CSNK1G1: variants seen among roughly 807,000 people sequenced by gnomAD.
CSNK1G1 encodes casein kinase 1 gamma 1.
In CSNK1G1, 22 loss-of-function variants were observed where a neutral mutation model predicts 59.6. The observed-to-expected ratio is 0.37, with a 90% CI of 0.26 to 0.53. CSNK1G1 has a LOEUF of 0.53. Among genes scored for constraint, CSNK1G1 ranks in the 20% least tolerant of loss-of-function variants. CSNK1G1 has a pLI of 0.89. For synonymous variants in CSNK1G1, 179 were observed against 177.1 expected (o/e 1.01, Z -0.08); for missense variants, 384 against 519.5 (o/e 0.74, Z 2.54).
chr15:64,213,190 C>A (rs1312742568), intron 6 of CSNK1G1, among the ~76,000 whole-genome samples: 2 of 151,856 alleles, frequency 1.3e-5, no homozygotes, highest in African/African-American at 2.4e-5. Flanking sequence ...CAAATAGAAT[C>A]TTCCATGGAA....
chr15:64,326,953 G>A lies in CSNK1G1; in HGVS notation c.-224-26230C>T, dbSNP rs1333710484. Reference sequence around the variant, plus strand: ...ATCGGGTCACTCCCACCCGAATATTGCGCTTTTCAGACCGGCTTAAAAAAC... The same window carrying A: ...ATCGGGTCACTCCCACCCGAATATTACGCTTTTCAGACCGGCTTAAAAAAC... On this transcript the variant is annotated intron_variant, in intron 1 of 11. Coordinates refer to ENST00000303052, the MANE Select transcript of CSNK1G1 (RefSeq NM_022048.5). Among the ~76,000 whole-genome samples the A allele has an allele frequency of 3.3e-5, 5 of 150,660 alleles. No homozygotes were observed. The East Asian group carries it at 9.8e-4, about 29-fold the overall frequency.
chr15:64,305,053 A>T (rs1336236682), intron 1 of CSNK1G1, among the ~76,000 whole-genome samples: 1 of 152,144 alleles, frequency 6.6e-6, no homozygotes, highest in Non-Finnish European at 1.5e-5. Flanking sequence ...CTTTCTCCTT[A>T]TAAGTCTTTT....
intron 10 of CSNK1G1, among the ~76,000 whole-genome samples, chr15:64,190,713 A>G (rs2081959433): frequency 6.6e-6 from 1 of 152,064 alleles, no homozygotes; most frequent in Non-Finnish European, 1.5e-5. Flanking sequence ...CGTGCCGGCC[A>G]TATTTTATAA....
chr15:64,262,450 G>A (rs1392352794), intron 2 of CSNK1G1, among the ~76,000 whole-genome samples: 2 of 152,154 alleles, frequency 1.3e-5, no homozygotes, highest in African/African-American at 4.8e-5. Context: ...ACAATGATAT[G>A]GATAAATGAT....
chr15:64,347,596 A>G (rs1566956538), intron 1 of CSNK1G1, among the ~76,000 whole-genome samples: 1 of 150,998 alleles, frequency 6.6e-6, no homozygotes, highest in African/African-American at 2.4e-5. Flanking sequence ...AAAAAAAAAA[A>G]AAAGAAAGAA....
At chr15:64,202,814 A>T (rs534813169) in intron 10 of CSNK1G1, among the ~76,000 whole-genome samples, 1 of 152,130 alleles carries the variant, frequency 6.6e-6, no homozygotes, top group South Asian at 2.1e-4. Context: ...TGGCCTCCCA[A>T]AGTGCTTGGA....
At chr15:64,187,877 G>C (rs1230940159) in intron 10 of CSNK1G1, among the ~76,000 whole-genome samples, 1 of 152,148 alleles carries the variant, frequency 6.6e-6, no homozygotes, top group Non-Finnish European at 1.5e-5. Context: ...AGATCACATT[G>C]ATTCCAGGGA....
intron 10 of CSNK1G1, among the ~76,000 whole-genome samples, chr15:64,191,202 C>A (rs182067128): frequency 3.3e-5 from 5 of 152,114 alleles, no homozygotes; most frequent in Non-Finnish European, 7.4e-5. Context: ...GCTGGGACTA[C>A]GGACGCGCGC....
At chr15:64,192,622 G>C (rs2081986366) in intron 10 of CSNK1G1, among the ~76,000 whole-genome samples, 1 of 151,952 alleles carries the variant, frequency 6.6e-6, no homozygotes, top group Admixed American at 6.6e-5. Flanking sequence ...ACTTTGGGAG[G>C]CTGAGGGGGG....
intron 2 of CSNK1G1, among the ~76,000 whole-genome samples, chr15:64,267,900 A>C (rs1441469903): frequency 6.6e-6 from 1 of 152,198 alleles, no homozygotes; most frequent in Non-Finnish European, 1.5e-5. Flanking sequence ...GGATCACTTG[A>C]GCCCAGGAGT....
chr15:64,183,690 T>C (rs1489848914), intron 10 of CSNK1G1, among the ~76,000 whole-genome samples: 2 of 152,078 alleles, frequency 1.3e-5, no homozygotes, highest in Non-Finnish European at 2.9e-5. Flanking sequence ...AAGAATCTTA[T>C]GAATAACAAA....
rs184129487 is a variant in CSNK1G1, at chr15:64,234,208, C to G, written c.292+17304G>C. Among the ~76,000 whole-genome samples the G allele has an allele frequency of 3.9e-4, 59 of 152,180 alleles. 1 individual carries two copies. The highest frequency in any genetic ancestry group is 2.7e-3 in the East Asian group (14 of 5,182). On this transcript the variant is annotated intron_variant, in intron 4 of 11. Coordinates refer to ENST00000303052, the MANE Select transcript of CSNK1G1 (RefSeq NM_022048.5). ...GCTGCTCAGATATTTTCAAACACCC[C>G]CCTCACCCTTTACCCAGTGAACGGG...
intron 4 of CSNK1G1, among the ~76,000 whole-genome samples, chr15:64,238,494 TAAAAAAA>T (rs1169739046): frequency 6.0e-4 from 34 of 56,432 alleles, no homozygotes; most frequent in South Asian, 1.7e-3. Context: ...CCCTGTCCCT[TAAAAAAA>T]AAAAAAAAAA....
chr15:64,175,431 C>T (rs1820412182), intron 11 of CSNK1G1, among the ~76,000 whole-genome samples: 3 of 152,236 alleles, frequency 2.0e-5, no homozygotes, highest in South Asian at 4.1e-4. Flanking sequence ...AACAGACCAA[C>T]AAGTTCAGGA....
At chr15:64,336,124 GCT>G (rs1342464402) in intron 1 of CSNK1G1, among the ~76,000 whole-genome samples, 1 of 152,154 alleles carries the variant, frequency 6.6e-6, no homozygotes, top group Non-Finnish European at 1.5e-5. Context: ...ACTAGGGACT[GCT>G]CTCTGACTTA....
chr15:64,179,319 T>A (rs773895189), intron 11 of CSNK1G1, among the ~76,000 whole-genome samples: 1 of 152,048 alleles, frequency 6.6e-6, no homozygotes, highest in Non-Finnish European at 1.5e-5. Context: ...ACAAAGTACA[T>A]CTGGAAGGTG....
At chr15:64,180,162 G>C (rs977889474) in intron 11 of CSNK1G1, 186 bp downstream of exon 11, 1 of 559,968 alleles carries the variant, frequency 1.8e-6, no homozygotes, top group African/African-American at 1.9e-5. Flanking sequence ...TGTCTTCCCC[G>C]AAATCACAGC....
At chr15:64,222,959 AT>A (rs1285851206) in intron 4 of CSNK1G1, among the ~76,000 whole-genome samples, 3 of 152,192 alleles carry the variant, frequency 2.0e-5, no homozygotes, top group African/African-American at 7.2e-5. Context: ...AGTTAAAAAG[AT>A]TTCTCTGTTT....
chr15:64,308,586 C>T (rs553786885), intron 1 of CSNK1G1, among the ~76,000 whole-genome samples: 3 of 152,208 alleles, frequency 2.0e-5, no homozygotes, highest in East Asian at 1.9e-4. Flanking sequence ...TCCAGTCTTC[C>T]GACTTCCTTT....
Sources: gnomAD v4.1 joint callset for allele counts (sites outside exome capture counted in the v4.1 genomes callset) on GRCh38, gnomAD v4.1.1 for gene constraint, MANE v1.5 for transcripts, NCBI Gene and HGNC (gene_info 2026-07-23, HGNC 2026-07-21) for gene names.